The following CFL2 variants were observed in gnomAD, a reference collection of about 807,000 sequenced individuals.
The protein encoded by CFL2 is cofilin-2.
A neutral mutation model predicts 19.6 loss-of-function variants in CFL2; 10 were observed. That is an observed-to-expected ratio of 0.51 (90% CI 0.31 to 0.86). The LOEUF is 0.86. Ranked by LOEUF, CFL2 falls within the 40% of genes least tolerant of loss-of-function variation. The pLI is 0.04. For missense variants in CFL2, 125 were observed against 192.1 expected, an observed-to-expected ratio of 0.65 and a Z score of 2.06; for synonymous variants, 63 against 66.7, an observed-to-expected ratio of 0.95 and a Z score of 0.27.
At position 34,713,515 on chromosome 14, in the gene CFL2, T is replaced by C. The variant is rs756744491; in HGVS notation, c.50A>G (p.Asp17Gly). The C allele has an allele frequency of 6.2e-7, 1 of 1,613,922 alleles. No individual in the cohort carries two copies. The highest frequency in any genetic ancestry group is 8.5e-7 in the Non-Finnish European group (1 of 1,179,990). The change falls in exon 2 of 4, where the codon GAT becomes GGT. Residue 17 changes from aspartate (D) to glycine (G), a missense_variant. By Grantham distance (94) the Asp-to-Gly change is moderately conservative (BLOSUM62 -1). Coordinates refer to ENST00000298159, the MANE Select transcript of CFL2 (RefSeq NM_138638.5). ...TGTAGAAGATTTCCTTACTTTCATA[T>C]CATTAAAAACTTTGATGACTTCATC... ...VNDEVIKVFNDMKVRKSSTQE... is the reference protein window; with the variant it reads ...VNDEVIKVFNGMKVRKSSTQE...
Position 34,709,716 on chromosome 14 carries a change from A to C in CFL2, c.*3149T>G, listed in dbSNP as rs1885222245. ...GGTGGGAGGATCATCTGAGCTGGGA[A>C]GGTTGAGTTTGAAGTGAGCTGAAAT... On this transcript the variant is annotated 3_prime_UTR_variant, in exon 4 of 4. Coordinates refer to ENST00000298159, the MANE Select transcript of CFL2 (RefSeq NM_138638.5). 1 of 140,928 alleles carries C rather than the reference A, an allele frequency of 7.1e-6. No homozygotes were observed. The highest frequency in any genetic ancestry group is 2.7e-5 in the African/African-American group (1 of 37,734). 8.7% of individuals were successfully genotyped at this position (140,928 alleles called of 1,614,324 possible).
rs1313099896 is a variant in CFL2, at chr14:34,712,776, A to G, written c.*89T>C. 2 of 811,544 alleles carry G rather than the reference A, an allele frequency of 2.5e-6. No individual in the cohort carries two copies. The highest frequency in any genetic ancestry group is 3.4e-5 in the African/African-American group (2 of 59,488). 50.3% of individuals were successfully genotyped at this position (811,544 alleles called of 1,614,324 possible). A position where few individuals can be genotyped will look rare whatever the true frequency, so the allele number is the denominator to read the frequency against. ...GGGCCCAGTGGAAAGGGGGAAATACAACAAAAAACCAAAACCTAATACTAT... is the reference window on the plus strand; with the variant it reads ...GGGCCCAGTGGAAAGGGGGAAATACGACAAAAAACCAAAACCTAATACTAT... On this transcript the variant is annotated 3_prime_UTR_variant, in exon 4 of 4. Transcript: ENST00000298159.
At position 34,712,062 on chromosome 14, in the gene CFL2, G is replaced by A. The variant is rs1218290446; in HGVS notation, c.*803C>T. 2 of 454,374 alleles carry A rather than the reference G, an allele frequency of 4.4e-6. No individual in the cohort carries two copies. The highest frequency in any genetic ancestry group is 2.0e-5 in the African/African-American group (1 of 49,992). The allele number at this position is 454,374 out of a possible 1,614,324, so 28.1% of individuals were successfully genotyped here. A position where few individuals can be genotyped will look rare whatever the true frequency, so the allele number is the denominator to read the frequency against. On this transcript the variant is annotated 3_prime_UTR_variant, in exon 4 of 4. Transcript: ENST00000298159. ...ACGTGGCCATTTTTGTGAGGGTGGG[G>A]AGTTTGATCTCAAAACAATGTTCCA...
Position 34,714,519 on chromosome 14 carries a change from G to T in CFL2, c.3+19C>A. ...TTTCTCGCCTCGCCGCGGCCTCCCG[G>T]CCAGCGCGCTCGTCTTACCATAGTG... On this transcript the variant is annotated intron_variant, in intron 1 of 3. Coordinates refer to ENST00000298159, the MANE Select transcript of CFL2 (RefSeq NM_138638.5). The T allele has an allele frequency of 6.3e-7, 1 of 1,578,892 alleles. No individual in the cohort carries two copies. The highest frequency in any genetic ancestry group is 8.6e-7 in the Non-Finnish European group (1 of 1,165,626).
chr14:34,712,369 A>G lies in CFL2; in HGVS notation c.*496T>C, dbSNP rs955991710. ...TTATTACAAAAAGTGCTTTTAATGC[A>G]TAGTGTTATATCCGTGCTGCCATAT... On this transcript the variant is annotated 3_prime_UTR_variant, in exon 4 of 4. Coordinates refer to ENST00000298159, the MANE Select transcript of CFL2 (RefSeq NM_138638.5). 1.3e-5 allele frequency: 6 copies of G among 454,552 alleles called. No individual in the cohort carries two copies. The highest frequency in any genetic ancestry group is 2.2e-5 in the Non-Finnish European group (5 of 226,882). 28.2% of individuals were successfully genotyped at this position (454,552 alleles called of 1,614,324 possible). A position where few individuals can be genotyped will look rare whatever the true frequency, so the allele number is the denominator to read the frequency against.
rs762440101 is a variant in CFL2, at chr14:34,714,518, G to A, written c.3+20C>T. Reference sequence around the variant, plus strand: ...TTTTCTCGCCTCGCCGCGGCCTCCCGGCCAGCGCGCTCGTCTTACCATAGT... The same window carrying A: ...TTTTCTCGCCTCGCCGCGGCCTCCCAGCCAGCGCGCTCGTCTTACCATAGT... On this transcript the variant is annotated intron_variant, in intron 1 of 3. Transcript: ENST00000298159. 2.5e-6 allele frequency: 4 copies of A among 1,578,606 alleles called. No homozygotes were observed. Among genetic ancestry groups the A allele is most frequent in the East Asian group, 4.7e-5 (2 of 42,186 alleles).
intron 1 of CFL2, 189 bp downstream of exon 1, chr14:34,714,349 C>A: frequency 1.0e-6 from 1 of 968,360 alleles, no homozygotes; most frequent in Non-Finnish European, 1.4e-6. Context: ...CCCCCAAAAT[C>A]CAAAGAGCAG....
chr14:34,710,511 T>C lies in CFL2; in HGVS notation c.*2354A>G, dbSNP rs929295627. On this transcript the variant is annotated 3_prime_UTR_variant, in exon 4 of 4. Coordinates refer to ENST00000298159, the MANE Select transcript of CFL2 (RefSeq NM_138638.5). ...GCAAGCTAGCAGTAAAATATTGCCT[T>C]CAATATTTTACTAATTAGCACCGTA... The C allele has an allele frequency of 2.3e-6, 1 of 440,736 alleles. No homozygotes were observed. Among genetic ancestry groups the C allele is most frequent in the African/African-American group, 2.0e-5 (1 of 49,570 alleles). 27.3% of individuals were successfully genotyped at this position (440,736 alleles called of 1,614,324 possible).
In CFL2 at chr14:34,712,480, A is replaced by G. The variant is rs1594783870; in HGVS notation, c.*385T>C. 2 of 458,438 alleles carry G rather than the reference A, an allele frequency of 4.4e-6. No individual in the cohort carries two copies. Among genetic ancestry groups the G allele is most frequent in the African/African-American group, 4.0e-5 (2 of 50,214 alleles). The allele number at this position is 458,438 out of a possible 1,614,324, so 28.4% of individuals were successfully genotyped here. ...CAATCAAGTGCCAACTATAAATAAT[A>G]CTGAAAAAAGTTGACCATCTGACCA... On this transcript the variant is annotated 3_prime_UTR_variant, in exon 4 of 4. Transcript: ENST00000298159.
chr14:34,711,250 T>C lies in CFL2; in HGVS notation c.*1615A>G, dbSNP rs963900109. 2.0e-5 allele frequency: 9 copies of C among 454,474 alleles called. No homozygotes were observed. Among genetic ancestry groups the C allele is most frequent in the African/African-American group, 1.2e-4 (6 of 50,034 alleles). The allele number at this position is 454,474 out of a possible 1,614,324, so 28.2% of individuals were successfully genotyped here. On this transcript the variant is annotated 3_prime_UTR_variant, in exon 4 of 4. Coordinates refer to ENST00000298159, the MANE Select transcript of CFL2 (RefSeq NM_138638.5). ...TCCTCTGAGCTATGGGGTTAAGTTC[T>C]GAGCCACGACTGACTGCTTACTAGC...
In CFL2 at chr14:34,713,468, TTC is replaced by T. The variant is rs1566525442; in HGVS notation, c.95_96del (p.Arg32LysfsTer11). 2.5e-6 allele frequency: 4 copies of T among 1,614,148 alleles called. No homozygotes were observed. The South Asian group carries it at 3.3e-5, about 13-fold the overall frequency. On this transcript the variant is annotated frameshift_variant, in exon 2 of 4. Coordinates refer to ENST00000298159, the MANE Select transcript of CFL2 (RefSeq NM_138638.5). LOFTEE classifies it high-confidence loss of function. ...CTTAAACAGAAGAGAACTGCTTTCT[TTC>T]TCTTTTTGATCTCCTCTTGTGTAGA... ...KSSTQEEIKK[R>X]KKAVLFCLSD...
rs712301 is a variant in CFL2, at chr14:34,711,183, T to A, written c.*1682A>T. 0.46 allele frequency: 209,634 copies of A among 453,330 alleles called. 51,733 individuals carry two copies. Among genetic ancestry groups the A allele is most frequent in the Non-Finnish European group, 0.54 (122,235 of 226,568 alleles). The allele number at this position is 453,330 out of a possible 1,614,324, so 28.1% of individuals were successfully genotyped here. On this transcript the variant is annotated 3_prime_UTR_variant, in exon 4 of 4. Transcript: ENST00000298159. ...ATTACTTCCACACATTCAAAAAAAATTTTTAAGGGATATTTTCTTTCCTGT... is the reference window on the plus strand; with the variant it reads ...ATTACTTCCACACATTCAAAAAAAAATTTTAAGGGATATTTTCTTTCCTGT...
chr14:34,711,952 C>G lies in CFL2; in HGVS notation c.*913G>C, dbSNP rs1488395088. The G allele has an allele frequency of 2.2e-6, 1 of 453,990 alleles. No homozygotes were observed. The highest frequency in any genetic ancestry group is 4.4e-6 in the Non-Finnish European group (1 of 226,576). The allele number at this position is 453,990 out of a possible 1,614,324, so 28.1% of individuals were successfully genotyped here. ...AGAGATTAGTAATAGCTGTTTTTAC[C>G]CTAGAAGTTGTTTCACATAACATTT... On this transcript the variant is annotated 3_prime_UTR_variant, in exon 4 of 4. Coordinates refer to ENST00000298159, the MANE Select transcript of CFL2 (RefSeq NM_138638.5).
Position 34,711,191 on chromosome 14 carries a change from G to C in CFL2, c.*1674C>G. 1 of 454,148 alleles carries C rather than the reference G, an allele frequency of 2.2e-6. No homozygotes were observed. The highest frequency in any genetic ancestry group is 1.6e-5 in the South Asian group (1 of 64,446). The allele number at this position is 454,148 out of a possible 1,614,324, so 28.1% of individuals were successfully genotyped here. On this transcript the variant is annotated 3_prime_UTR_variant, in exon 4 of 4. Transcript: ENST00000298159. ...CACACATTCAAAAAAAATTTTTAAG[G>C]GATATTTTCTTTCCTGTTTTCTGCT...
chr14:34,713,043 A>G lies in CFL2; in HGVS notation c.388+17T>C, dbSNP rs1389535408. ...AATAAAGAATAATTTCTCTGCCCCA[A>G]ATATTCAAGTTTGTACCTGTAAATT... On this transcript the variant is annotated intron_variant, in intron 3 of 3. Transcript: ENST00000298159. The G allele has an allele frequency of 2.6e-6, 4 of 1,567,382 alleles. 1 individual carries two copies. The African/African-American group carries it at 5.5e-5, about 22-fold the overall frequency.
At chr14:34,713,182 A>G in intron 2 of CFL2, 46 bp from the exon 3 acceptor site, 3 of 1,572,540 alleles carry the variant, frequency 1.9e-6, no homozygotes, top group Non-Finnish European at 2.6e-6. Context: ...TAAGAAAAAC[A>G]AAGGTAAGAC....
Position 34,711,149 on chromosome 14 carries a change from T to G in CFL2, c.*1716A>C. On this transcript the variant is annotated 3_prime_UTR_variant, in exon 4 of 4. Transcript: ENST00000298159. ...TTCAAAAATATGGAAAAAATCTAAT[T>G]ATACTAAAATTACTTCCACACATTC... is the stretch of plus-strand genomic sequence containing the variant. 1 of 453,004 alleles carries G rather than the reference T, an allele frequency of 2.2e-6. No individual in the cohort carries two copies. The highest frequency in any genetic ancestry group is 4.4e-6 in the Non-Finnish European group (1 of 226,624). The allele number at this position is 453,004 out of a possible 1,614,324, so 28.1% of individuals were successfully genotyped here.
chr14:34,710,328 T>A lies in CFL2; in HGVS notation c.*2537A>T. 4.4e-6 allele frequency: 1 copy of A among 225,140 alleles called. No homozygotes were observed. Among genetic ancestry groups the A allele is most frequent in the East Asian group, 1.2e-4 (1 of 8,026 alleles). 13.9% of individuals were successfully genotyped at this position (225,140 alleles called of 1,614,324 possible). On this transcript the variant is annotated 3_prime_UTR_variant, in exon 4 of 4. Coordinates refer to ENST00000298159, the MANE Select transcript of CFL2 (RefSeq NM_138638.5). The stretch of plus-strand genomic sequence containing the variant: ...ATTGTTATTGATAAATGAGAAAGTA[T>A]TACCAACTAAAATCCTGAAAAACAG...
Position 34,713,575 on chromosome 14 carries a change from C to CA in CFL2, c.4-15dup. Reference sequence around the variant, plus strand: ...AACTCCAGAAGCCTGAAAATAAACACAGAACAGTAATTCAGAACACGTATT... The same window carrying CA: ...AACTCCAGAAGCCTGAAAATAAACACAAGAACAGTAATTCAGAACACGTATT... On this transcript the variant is annotated splice_polypyrimidine_tract_variant and intron_variant, in intron 1 of 3. Transcript: ENST00000298159. The CA allele has an allele frequency of 6.2e-7, 1 of 1,614,040 alleles. No individual in the cohort carries two copies. Among genetic ancestry groups the CA allele is most frequent in the African/African-American group, 1.3e-5 (1 of 75,044 alleles).
Sources: allele counts gnomAD v4.1 joint callset, GRCh38; gene constraint gnomAD v4.1.1; transcripts MANE v1.5; gene names NCBI Gene and HGNC (gene_info 2026-07-23, HGNC 2026-07-21).